Variants in CHRM3 observed in about 807,000 individuals in gnomAD.
The protein encoded by CHRM3 is muscarinic acetylcholine receptor M3.
A neutral mutation model predicts 41.8 loss-of-function variants in CHRM3; 11 were observed. The observed-to-expected ratio is 0.26, with a 90% confidence interval of 0.17 to 0.44. The LOEUF (loss-of-function observed/expected upper bound fraction) is 0.44. Ranked by LOEUF, CHRM3 falls within the 20% of genes least tolerant of loss-of-function variation. CHRM3 has a pLI of 1.00. For missense variants in CHRM3, 571 were observed against 745.4 expected, an observed-to-expected ratio of 0.77 and a Z score of 2.72; for synonymous variants, 297 against 301.4, an observed-to-expected ratio of 0.99 and a Z score of 0.15.
chr1:239,899,276 AGTGTGTGTGTGTGT>A (rs71168861), intron 6 of CHRM3, among the ~76,000 whole-genome samples: 2 of 134,598 alleles, frequency 1.5e-5, no homozygotes, highest in Admixed American at 1.5e-4. Context: ...TTTTGAACTC[AGTGTGTGTGTGTGT>A]GTGTGTGTGT....
chr1:239,593,490 A>AAC (rs1553335722), intron 3 of CHRM3, among the ~76,000 whole-genome samples: 122 of 152,014 alleles, frequency 8.0e-4, no homozygotes, highest in African/African-American at 2.3e-3. Context: ...TTAAAAAAAA[A>AAC]AAACTCAAAT....
Position 239,908,808 on chromosome 1 carries a change from A to G in CHRM3, c.1357A>G (p.Thr453Ala). The change falls in exon 7 of 7, where the codon ACT becomes GCT. Residue 453 changes from threonine (T) to alanine (A), a missense_variant. Coordinates refer to ENST00000676153, the MANE Select transcript of CHRM3 (RefSeq NM_001375978.1). This position sits in a 1 kb window ranked among gnomAD's most constrained non-coding sequence, Gnocchi z 7.2. ...CTCCTCAGTGGGTAAGAGCACGGCC[A>G]CTCTACCTCTGTCCTTCAAGGAAGC... ...VNSSVGKSTATLPLSFKEATL... is the reference protein window; with the variant it reads ...VNSSVGKSTAALPLSFKEATL... 6.2e-7 allele frequency: 1 copy of G among 1,613,980 alleles called. No individual in the cohort carries two copies. Among genetic ancestry groups the G allele is most frequent in the Non-Finnish European group, 8.5e-7 (1 of 1,180,010 alleles).
intron 1 of CHRM3, among the ~76,000 whole-genome samples, chr1:239,477,863 T>A: frequency 6.6e-6 from 1 of 152,168 alleles, no homozygotes; most frequent in South Asian, 2.1e-4. Context: ...CTCTGGAAGT[T>A]ACCAAATACA....
chr1:239,893,263 C>G (rs1678697021), intron 6 of CHRM3, among the ~76,000 whole-genome samples: 1 of 152,218 alleles, frequency 6.6e-6, no homozygotes, highest in Non-Finnish European at 1.5e-5. Flanking sequence ...ATTCATCTAA[C>G]AAATATTTAC....
intron 6 of CHRM3, among the ~76,000 whole-genome samples, chr1:239,883,744 T>C (rs149858826): frequency 3.9e-5 from 6 of 152,330 alleles, no homozygotes; most frequent in East Asian, 1.9e-4. Flanking sequence ...TCAATTCTTA[T>C]TTGTTGAACA....
chr1:239,404,328 G>A (rs1227740509), intron 1 of CHRM3, among the ~76,000 whole-genome samples: 1 of 135,064 alleles, frequency 7.4e-6, no homozygotes, highest in African/African-American at 2.8e-5. Flanking sequence ...AAGGAAGGAA[G>A]GAAGGAAGAA....
At chr1:239,874,753 C>A (rs2149341348) in intron 6 of CHRM3, among the ~76,000 whole-genome samples, 1 of 151,638 alleles carries the variant, frequency 6.6e-6, no homozygotes, top group East Asian at 1.9e-4. Flanking sequence ...GGCTGGAGTG[C>A]AATGGCGTGA....
At chr1:239,616,639 G>A (rs1468825330) in intron 3 of CHRM3, among the ~76,000 whole-genome samples, 1 of 152,014 alleles carries the variant, frequency 6.6e-6, no homozygotes, top group African/African-American at 2.4e-5. Flanking sequence ...TATATTTCCT[G>A]AGAACAGCTG....
chr1:239,643,485 C>T (rs1663370153), intron 4 of CHRM3, among the ~76,000 whole-genome samples: 1 of 152,216 alleles, frequency 6.6e-6, no homozygotes, highest in Non-Finnish European at 1.5e-5. Flanking sequence ...GGCGCCCCTC[C>T]CCCAGCCGCG....
intron 5 of CHRM3, among the ~76,000 whole-genome samples, chr1:239,743,494 G>A (rs1665038986): frequency 6.6e-6 from 1 of 152,160 alleles, no homozygotes; most frequent in Non-Finnish European, 1.5e-5. Flanking sequence ...CAGCTGACAT[G>A]GATTGAGCAC....
chr1:239,611,628 C>T (rs375697296), intron 3 of CHRM3, among the ~76,000 whole-genome samples: 7 of 151,894 alleles, frequency 4.6e-5, no homozygotes, highest in South Asian at 2.1e-4. Context: ...ACCATGTTGG[C>T]CAGGATGGTC....
intron 5 of CHRM3, among the ~76,000 whole-genome samples, chr1:239,795,951 TA>T (rs550075542): frequency 1.8e-4 from 28 of 152,362 alleles, no homozygotes; most frequent in African/African-American, 6.7e-4. Flanking sequence ...TTTATGCTGA[TA>T]TTTTTATATT....
chr1:239,571,354 A>G (rs1661807432), intron 3 of CHRM3, among the ~76,000 whole-genome samples: 1 of 152,186 alleles, frequency 6.6e-6, no homozygotes, highest in Non-Finnish European at 1.5e-5. Context: ...TCCCAGAACT[A>G]GAAGATAGGA....
chr1:239,547,180 T>C (rs1659379208), intron 3 of CHRM3, among the ~76,000 whole-genome samples: 1 of 152,200 alleles, frequency 6.6e-6, no homozygotes, highest in Non-Finnish European at 1.5e-5. Context: ...AGGTAACATA[T>C]TCACTGGCTA....
chr1:239,636,773 G>T (rs549714037), intron 4 of CHRM3, among the ~76,000 whole-genome samples: 1 of 152,304 alleles, frequency 6.6e-6, no homozygotes, highest in South Asian at 2.1e-4. Flanking sequence ...ATAAAAGTCA[G>T]AAGCAGTAGA....
intron 6 of CHRM3, among the ~76,000 whole-genome samples, chr1:239,828,268 A>G (rs1055561050): frequency 3.9e-5 from 6 of 152,188 alleles, no homozygotes; most frequent in African/African-American, 1.4e-4. Flanking sequence ...ACACATAGAT[A>G]CATTCATAAA....
At chr1:239,855,714 A>T (rs1337346673) in intron 6 of CHRM3, among the ~76,000 whole-genome samples, 1 of 152,200 alleles carries the variant, frequency 6.6e-6, no homozygotes, top group East Asian at 1.9e-4. Flanking sequence ...AACATTGATT[A>T]TAAGCATTTT....
chr1:239,642,294 T>A (rs1308792840), intron 4 of CHRM3, among the ~76,000 whole-genome samples: 1 of 151,738 alleles, frequency 6.6e-6, no homozygotes, highest in Non-Finnish European at 1.5e-5. Flanking sequence ...CTGTATTTCC[T>A]GAATTTGAAT....
intron 5 of CHRM3, among the ~76,000 whole-genome samples, chr1:239,734,126 A>T (rs1204053022): frequency 6.6e-6 from 1 of 152,128 alleles, no homozygotes; most frequent in Non-Finnish European, 1.5e-5. Context: ...CAACCAACCT[A>T]ATAGCAATGA....
Sources: gnomAD v4.1 joint callset for allele counts (sites outside exome capture counted in the v4.1 genomes callset) on GRCh38, gnomAD v4.1.1 for gene constraint, Gnocchi (gnomAD v3.1) non-coding constraint, MANE v1.5 for transcripts, NCBI Gene and HGNC (gene_info 2026-07-23, HGNC 2026-07-21) for gene names.